The following PPFIBP1 variants were observed in gnomAD, a reference collection of about 807,000 sequenced individuals.
PPFIBP1 encodes the protein PPFIB scaffold protein 1, also known as liprin-beta-1.
A neutral mutation model predicts 137.8 loss-of-function variants in PPFIBP1; 112 were observed. That is an observed-to-expected ratio of 0.81 (90% CI 0.70 to 0.95). PPFIBP1 has a LOEUF of 0.95. Among genes scored for constraint, PPFIBP1 ranks in the 40% least tolerant of loss-of-function variants. PPFIBP1 has a pLI of 0.00. For synonymous variants in PPFIBP1, 378 were observed against 417.3 expected (o/e 0.91, Z 1.15); for missense variants, 1,083 against 1,196.6 (o/e 0.91, Z 1.40).
At chr12:27,528,034 C>T (rs1943976931) in intron 1 of PPFIBP1, among the ~76,000 whole-genome samples, 1 of 152,106 alleles carries the variant, frequency 6.6e-6, no homozygotes, top group Admixed American at 6.5e-5. Flanking sequence ...CTGCAACCTC[C>T]ACTTCCCGGG....
chr12:27,661,571 G>A (rs1357437956), intron 11 of PPFIBP1, among the ~76,000 whole-genome samples: 2 of 152,162 alleles, frequency 1.3e-5, no homozygotes, highest in Admixed American at 1.3e-4. Flanking sequence ...GGGTTTCTTC[G>A]TGGCTTACCT....
At chr12:27,664,244 C>T (rs2059721364) in intron 11 of PPFIBP1, 118 bp from the exon 12 acceptor site, 2 of 669,354 alleles carry the variant, frequency 3.0e-6, no homozygotes, top group Admixed American at 5.5e-5. Flanking sequence ...TAAATGCTCT[C>T]TCGGCAGAAT....
At chr12:27,634,015 T>G (rs1199429841) in intron 3 of PPFIBP1, among the ~76,000 whole-genome samples, 2 of 151,834 alleles carry the variant, frequency 1.3e-5, no homozygotes, top group Non-Finnish European at 1.5e-5. Flanking sequence ...TTTTGTATTT[T>G]TAGTAGAGAC....
intron 24 of PPFIBP1, among the ~76,000 whole-genome samples, chr12:27,684,187 C>T (rs2061059684): frequency 6.6e-6 from 1 of 152,132 alleles, no homozygotes; most frequent in African/African-American, 2.4e-5. Flanking sequence ...TGGCTCATGG[C>T]AACCTCCACC....
chr12:27,589,610 G>A (rs746440452), intron 2 of PPFIBP1, among the ~76,000 whole-genome samples: 1 of 152,172 alleles, frequency 6.6e-6, no homozygotes, highest in Admixed American at 6.5e-5. Flanking sequence ...TTAGGGACAG[G>A]TTCATACCTG....
chr12:27,626,713 C>T (rs1188759329), intron 2 of PPFIBP1, among the ~76,000 whole-genome samples: 1 of 152,114 alleles, frequency 6.6e-6, no homozygotes, highest in Non-Finnish European at 1.5e-5. Context: ...ACTACAGGCT[C>T]ACACCACCAC....
chr12:27,645,306 C>A (rs1186851341), intron 4 of PPFIBP1, among the ~76,000 whole-genome samples: 1 of 152,296 alleles, frequency 6.6e-6, no homozygotes, highest in Non-Finnish European at 1.5e-5. Context: ...GTTTTCTGTT[C>A]TTTGTGAGCC....
chr12:27,543,663 A>G (rs1945901962), intron 1 of PPFIBP1, among the ~76,000 whole-genome samples: 1 of 152,162 alleles, frequency 6.6e-6, no homozygotes, highest in Non-Finnish European at 1.5e-5. Flanking sequence ...AAGGTCAGTG[A>G]TTATGTGAAA....
At chr12:27,681,911 G>A (rs555344229) in intron 22 of PPFIBP1, among the ~76,000 whole-genome samples, 6 of 151,962 alleles carry the variant, frequency 3.9e-5, no homozygotes, top group African/African-American at 1.4e-4. Context: ...AAGCCATTGG[G>A]CATTTTAATG....
At chr12:27,581,967 C>T (rs1027759043) in intron 2 of PPFIBP1, among the ~76,000 whole-genome samples, 4 of 148,860 alleles carry the variant, frequency 2.7e-5, no homozygotes, top group Admixed American at 6.9e-5. Flanking sequence ...AGATGCTTTG[C>T]GTGTGTGTGT....
intron 14 of PPFIBP1, among the ~76,000 whole-genome samples, chr12:27,671,774 A>G (rs11049090): frequency 0.13 from 19,093 of 152,212 alleles, 1,354 homozygotes; most frequent in South Asian, 0.27. Context: ...GGTTAGAAAG[A>G]GATTTTAAGG....
rs768070470 is a variant in PPFIBP1 at position 27,658,810 on chromosome 12, G to A, written c.812-6G>A. 18 of 1,611,652 alleles carry A rather than the reference G, an allele frequency of 1.1e-5. No individual in the cohort carries two copies. The highest frequency in any genetic ancestry group is 1.4e-5 in the Non-Finnish European group (16 of 1,178,268). On this transcript the variant is annotated splice_region_variant and splice_polypyrimidine_tract_variant and intron_variant, in intron 9 of 29. Transcript: ENST00000228425. ...AACTTCCAATCCAATGGGTTTTCCT[G>A]CACAGATGAAAATTTTAAAAAGAAG... is the stretch of plus-strand genomic sequence containing the variant.
chr12:27,549,086 G>C (rs1946506505), intron 1 of PPFIBP1: 1 of 152,178 alleles, frequency 6.6e-6, no homozygotes, highest in Non-Finnish European at 1.5e-5. Flanking sequence ...CTGGTTTATT[G>C]CATTGGCTAG....
At chr12:27,561,442 A>G (rs2049155196) in intron 1 of PPFIBP1, among the ~76,000 whole-genome samples, 1 of 152,180 alleles carries the variant, frequency 6.6e-6, no homozygotes, top group Admixed American at 6.5e-5. Flanking sequence ...TTTAGCTTAA[A>G]ATAATCTTTA....
At chr12:27,654,897 CTACTTAATG>C (rs1398753049) in intron 8 of PPFIBP1, 83 bp downstream of exon 8, 1 of 1,474,834 alleles carries the variant, frequency 6.8e-7, no homozygotes, top group African/African-American at 1.4e-5. Context: ...AAGATGTTTT[CTACTTAATG>C]TATGATAAAG....
At chr12:27,527,248 C>G (rs984091948) in intron 1 of PPFIBP1, among the ~76,000 whole-genome samples, 2 of 151,700 alleles carry the variant, frequency 1.3e-5, no homozygotes, top group African/African-American at 2.4e-5. Flanking sequence ...TCTGTCTTTT[C>G]TTTTTTCTTT....
intron 2 of PPFIBP1, among the ~76,000 whole-genome samples, chr12:27,620,931 C>A (rs1251296124): frequency 6.6e-6 from 1 of 152,176 alleles, no homozygotes; most frequent in Non-Finnish European, 1.5e-5. Context: ...AATGTATGCG[C>A]CATCAGAGCA....
intron 19 of PPFIBP1, 82 bp downstream of exon 19, chr12:27,677,178 T>C (rs2060571751): frequency 2.6e-6 from 4 of 1,523,662 alleles, no homozygotes; most frequent in South Asian, 2.3e-5. Flanking sequence ...CTGTGATCTC[T>C]AGAAAGCGAT....
At chr12:27,610,588 C>T (rs1449184992) in intron 2 of PPFIBP1, among the ~76,000 whole-genome samples, 2 of 152,178 alleles carry the variant, frequency 1.3e-5, no homozygotes, top group East Asian at 3.9e-4. Flanking sequence ...CAGCAGAAAA[C>T]ATGGGAGGAG....
Sources: allele counts gnomAD v4.1 joint callset (sites outside exome capture counted in the v4.1 genomes callset), GRCh38; gene constraint gnomAD v4.1.1; transcripts MANE v1.5; gene names NCBI Gene and HGNC (gene_info 2026-07-23, HGNC 2026-07-21).